CHD9: variants seen among roughly 807,000 people sequenced by gnomAD.
CHD9 encodes chromodomain helicase DNA binding protein 9.
CHD9 carries 77 observed loss-of-function variants against 316.1 expected under a neutral mutation model. The ratio of observed to expected loss-of-function variants is 0.24; its 90% CI spans 0.20 to 0.29. The LOEUF is 0.29. CHD9 is among the 10% of genes least tolerant of loss of function. The pLI, the probability that CHD9 is intolerant of heterozygous loss-of-function variation, is 1.00. For missense variants in CHD9, 2,763 were observed against 3,438.1 expected (o/e 0.80, Z 4.91); for synonymous variants, 1,129 against 1,158.3 (o/e 0.97, Z 0.51).
At chr16:53,103,190 G>GTTTTT in intron 1 of CHD9, among the ~76,000 whole-genome samples, 1 of 140,226 alleles carries the variant, frequency 7.1e-6, no homozygotes. Context: ...GATTTTATTT[G>GTTTTT]TTTTTTTTTT....
At chr16:53,300,459 A>G (rs2055274155) in intron 30 of CHD9, among the ~76,000 whole-genome samples, 1 of 152,204 alleles carries the variant, frequency 6.6e-6, no homozygotes, top group South Asian at 2.1e-4. Context: ...GAAGATTAAC[A>G]TAGGTATTAT....
Position 53,242,976 on chromosome 16 carries a change from A to G in CHD9, c.3014A>G (p.Lys1005Arg). Reference protein sequence around the residue: ...IIDEAHRLKNKNCKLLEGLKL... With the variant: ...IIDEAHRLKNRNCKLLEGLKL... ...GATGAAGCACATAGGTTAAAAAATA[A>G]AAATTGTAAACTCTTAGAGGGCCTG... is the stretch of plus-strand genomic sequence containing the variant. Residue 1005 changes from lysine to arginine, a missense_variant, in exon 13 of 39, where the codon AAA (lysine) becomes AGA (arginine). Physicochemically the swap from Lys to Arg is conservative, Grantham distance 26. This residue lies in a region of CHD9 where 155 missense variants were observed against 291.8 expected (regional missense o/e 0.53). Transcript: ENST00000447540. 1 of 1,612,710 alleles carries G rather than the reference A, an allele frequency of 6.2e-7. No individual in the cohort carries two copies.
At chr16:53,286,456 G>A (rs1005874255) in intron 26 of CHD9, 113 bp downstream of exon 26, 2 of 616,094 alleles carry the variant, frequency 3.2e-6, no homozygotes, top group Non-Finnish European at 5.8e-6. Flanking sequence ...GGGAATTGGA[G>A]TTTACAATCT....
chr16:53,115,141 A>C (rs1313992825), intron 1 of CHD9, among the ~76,000 whole-genome samples: 1 of 152,192 alleles, frequency 6.6e-6, no homozygotes, highest in Non-Finnish European at 1.5e-5. Flanking sequence ...GTTTGTGCCT[A>C]AGGCTGCCTC....
In CHD9 at chr16:53,315,582, G is replaced by A. The variant is rs915688054; in HGVS notation, c.7584+538G>A. Among the ~76,000 whole-genome samples, 9 of 152,146 alleles carry A rather than the reference G, an allele frequency of 5.9e-5. No homozygotes were observed. The East Asian group carries it at 1.5e-3, about 26-fold the overall frequency. On this transcript the variant is annotated intron_variant, in intron 36 of 38. Coordinates refer to ENST00000447540, the MANE Select transcript of CHD9 (RefSeq NM_001308319.2). ...CAACCTCTGCCTCCCGGATTCAAGC[G>A]ATTCTCCCACCTCAGTCTCCTGAGT...
chr16:53,124,679 C>A (rs2038892100), intron 1 of CHD9, among the ~76,000 whole-genome samples: 1 of 151,836 alleles, frequency 6.6e-6, no homozygotes. Context: ...GGGGTTTCAC[C>A]ATGTTGGCTA....
chr16:53,132,444 T>C (rs544652203), intron 1 of CHD9, among the ~76,000 whole-genome samples: 15 of 152,364 alleles, frequency 9.8e-5, no homozygotes, highest in Non-Finnish European at 1.8e-4. Context: ...AAGGCTTATC[T>C]TGTGTAATGT....
At chr16:53,254,908 AT>A (rs890452084) in intron 18 of CHD9, among the ~76,000 whole-genome samples, 2 of 152,174 alleles carry the variant, frequency 1.3e-5, no homozygotes, top group African/African-American at 4.8e-5. Flanking sequence ...CAATTTTCAA[AT>A]TCTTTTTTTA....
At chr16:53,190,175 A>G (rs2044366279) in intron 2 of CHD9, among the ~76,000 whole-genome samples, 1 of 152,162 alleles carries the variant, frequency 6.6e-6, no homozygotes, top group Admixed American at 6.5e-5. Context: ...AGATTATAGC[A>G]GTTTACAATA....
At chr16:53,104,346 CACTATTGATAT>C (rs1204990285) in intron 1 of CHD9, among the ~76,000 whole-genome samples, 4 of 152,194 alleles carry the variant, frequency 2.6e-5, no homozygotes, top group Admixed American at 2.6e-4. Flanking sequence ...GCTCTCAGGC[CACTATTGATAT>C]ACATTGGAAG....
rs112607417 is a variant in CHD9 at position 53,142,519 on chromosome 16, C to T, written c.-164-13407C>T. 3.0e-3 allele frequency among the ~76,000 whole-genome samples: 459 copies of T among 152,352 alleles called. 6 individuals carry two copies. Among genetic ancestry groups the T allele is most frequent in the African/African-American group, 0.01 (432 of 41,576 alleles). On this transcript the variant is annotated intron_variant, in intron 1 of 38. Coordinates refer to ENST00000447540, the MANE Select transcript of CHD9 (RefSeq NM_001308319.2). ...TAGAGATGGGACTGTGTTGCCCAGG[C>T]TGATCTCCAGCTTCTGGTCTCAAGC... is the stretch of plus-strand genomic sequence containing the variant.
Position 53,304,166 on chromosome 16 carries a change from G to GAGGAGCCTC in CHD9, c.6163_6171dup (p.Glu2055_Gln2057dup), listed in dbSNP as rs752069872. On this transcript the variant is annotated inframe_insertion, in exon 31 of 39. Transcript: ENST00000447540. ...GAAAGTTAAAAGTGAAAACCTTAAA[G>GAGGAGCCTC]AGGAGCCTCAGTCTTCTGAAGAAGA... 4.3e-6 allele frequency: 7 copies of GAGGAGCCTC among 1,612,738 alleles called. No individual in the cohort carries two copies. The Admixed American group carries it at 5.0e-5, about 12-fold the overall frequency.
intron 1 of CHD9, among the ~76,000 whole-genome samples, chr16:53,095,865 CAT>C (rs969814684): frequency 6.6e-6 from 1 of 152,156 alleles, no homozygotes; most frequent in African/African-American, 2.4e-5. Context: ...TAACAACAAA[CAT>C]ATAAATATCC....
At chr16:53,178,499 C>T (rs976346813) in intron 2 of CHD9, among the ~76,000 whole-genome samples, 21 of 135,304 alleles carry the variant, frequency 1.6e-4, no homozygotes, top group Non-Finnish European at 3.1e-4. Context: ...GTGGCGCAAA[C>T]ATGGCTCACT....
chr16:53,177,466 A>C (rs1051104955), intron 2 of CHD9, among the ~76,000 whole-genome samples: 8 of 152,214 alleles, frequency 5.3e-5, no homozygotes, highest in Admixed American at 2.6e-4. Context: ...GATTCCTTAC[A>C]TTAAGGCTTT....
intron 17 of CHD9, chr16:53,250,408 C>T: frequency 5.2e-6 from 1 of 191,756 alleles, no homozygotes. Context: ...TCAAGCATTC[C>T]TCCCATCTTG....
intron 1 of CHD9, among the ~76,000 whole-genome samples, chr16:53,081,938 TA>T (rs1255266030): frequency 6.6e-6 from 1 of 152,142 alleles, no homozygotes; most frequent in Non-Finnish European, 1.5e-5. Flanking sequence ...AAACAATATT[TA>T]AAAAAGTCTA....
At chr16:53,163,363 A>G (rs1444308275) in intron 2 of CHD9, among the ~76,000 whole-genome samples, 1 of 152,098 alleles carries the variant, frequency 6.6e-6, no homozygotes, top group African/African-American at 2.4e-5. Context: ...GGAATGCGCC[A>G]CCACGCCCGG....
intron 26 of CHD9, among the ~76,000 whole-genome samples, 167 bp from the exon 27 acceptor site, chr16:53,287,790 A>G (rs1263672810): frequency 6.6e-6 from 1 of 152,208 alleles, no homozygotes; most frequent in South Asian, 2.1e-4. Context: ...CTTTCTCCCT[A>G]TTTGCTTTAT....
Sources: allele counts gnomAD v4.1 joint callset (sites outside exome capture counted in the v4.1 genomes callset), GRCh38; gene constraint gnomAD v4.1.1; regional missense constraint gnomAD v4.1.1; transcripts MANE v1.5; gene names NCBI Gene and HGNC (gene_info 2026-07-23, HGNC 2026-07-21).